Variants in TNS3 observed in about 807,000 individuals in gnomAD.
TNS3 encodes tensin 3.
TNS3 carries 45 observed loss-of-function variants against 140.9 expected under a neutral mutation model. The ratio of observed to expected loss-of-function variants is 0.32; its 90% CI spans 0.25 to 0.41. TNS3 has a LOEUF of 0.41. TNS3 is among the 10% of genes least tolerant of loss of function. TNS3 has a pLI of 1.00. For synonymous variants in TNS3, 815 were observed against 788.4 expected (o/e 1.03, Z -0.56); for missense variants, 1,716 against 1,906.7 (o/e 0.90, Z 1.86).
intron 4 of TNS3, among the ~76,000 whole-genome samples, chr7:47,446,580 T>C (rs1433999483): frequency 6.6e-6 from 1 of 151,238 alleles, no homozygotes; most frequent in Non-Finnish European, 1.5e-5. Flanking sequence ...TATCACAGCC[T>C]TCAACACCCA....
intron 1 of TNS3, among the ~76,000 whole-genome samples, chr7:47,534,840 A>G (rs1386598190): frequency 1.3e-5 from 2 of 152,134 alleles, no homozygotes; most frequent in African/African-American, 2.4e-5. Context: ...CTTCTGTGTC[A>G]TTACCGTAAT....
intron 1 of TNS3, among the ~76,000 whole-genome samples, chr7:47,552,548 T>G (rs1177707551): frequency 3.3e-5 from 5 of 152,198 alleles, no homozygotes; most frequent in Non-Finnish European, 5.9e-5. Context: ...TTCATTATTA[T>G]TATATCTTTC....
chr7:47,305,731 C>T (rs1282006158), intron 20 of TNS3, among the ~76,000 whole-genome samples: 2 of 152,214 alleles, frequency 1.3e-5, no homozygotes, highest in African/African-American at 2.4e-5. Flanking sequence ...TGGTTTCTTG[C>T]CCAGCAGCTG....
chr7:47,409,582 AGGTAGAACACTACG>A (rs1793646691), intron 13 of TNS3, among the ~76,000 whole-genome samples: 1 of 152,194 alleles, frequency 6.6e-6, no homozygotes, highest in African/African-American at 2.4e-5. Context: ...CTCCCAGGGC[AGGTAGAACACTACG>A]CAAACAAGAT....
At chr7:47,296,967 G>A in intron 24 of TNS3, 115 bp downstream of exon 24, 1 of 1,300,146 alleles carries the variant, frequency 7.7e-7, no homozygotes, top group Non-Finnish European at 1.1e-6. Context: ...TAAATACTAA[G>A]AATAAAATTT....
intron 17 of TNS3, among the ~76,000 whole-genome samples, chr7:47,347,879 C>T (rs185026021): frequency 9.3e-4 from 141 of 152,308 alleles, no homozygotes; most frequent in Admixed American, 1.8e-3. Flanking sequence ...ATAATGCTTG[C>T]TCTCTTTTCC....
chr7:47,447,624 C>T (rs1795812152), intron 4 of TNS3, among the ~76,000 whole-genome samples: 1 of 152,100 alleles, frequency 6.6e-6, no homozygotes, highest in Admixed American at 6.5e-5. Flanking sequence ...TCACAGTGGC[C>T]CTATGGCACA....
At chr7:47,381,734 G>A (rs1791774727) in intron 16 of TNS3, among the ~76,000 whole-genome samples, 2 of 152,212 alleles carry the variant, frequency 1.3e-5, no homozygotes, top group African/African-American at 4.8e-5. Flanking sequence ...ACCCTTGGGA[G>A]AAACAATCTC....
chr7:47,344,667 G>T, intron 20 of TNS3, 88 bp downstream of exon 20: 3 of 1,164,336 alleles, frequency 2.6e-6, no homozygotes, highest in South Asian at 1.3e-5. Flanking sequence ...AAACATTTCT[G>T]CATACGAGTT....
intron 17 of TNS3, among the ~76,000 whole-genome samples, chr7:47,367,109 C>T (rs1790750644): frequency 6.6e-6 from 1 of 152,222 alleles, no homozygotes; most frequent in Non-Finnish European, 1.5e-5. Context: ...TTGCATGGCA[C>T]TGCCAGGGCT....
intron 20 of TNS3, among the ~76,000 whole-genome samples, chr7:47,338,112 T>G (rs937903372): frequency 6.6e-6 from 1 of 152,214 alleles, no homozygotes; most frequent in Non-Finnish European, 1.5e-5. Flanking sequence ...ACCACTGGCC[T>G]GTTGAAGGAC....
intron 1 of TNS3, among the ~76,000 whole-genome samples, chr7:47,534,474 T>C (rs75330409): frequency 0.017 from 2,565 of 151,960 alleles, 39 homozygotes; most frequent in South Asian, 0.048. Context: ...TGTCAGTTCA[T>C]AGGAATCACT....
At chr7:47,301,411 C>T (rs1036121812) in intron 23 of TNS3, among the ~76,000 whole-genome samples, 5 of 152,078 alleles carry the variant, frequency 3.3e-5, no homozygotes, top group African/African-American at 4.8e-5. Flanking sequence ...AAGGTACGCT[C>T]AGCTGAGACA....
intron 9 of TNS3, among the ~76,000 whole-genome samples, chr7:47,427,542 TTCA>T (rs1277070857): frequency 6.6e-6 from 1 of 152,228 alleles, no homozygotes; most frequent in African/African-American, 2.4e-5. Flanking sequence ...TGCACTGCAT[TTCA>T]GCGAGAGTGA....
intron 27 of TNS3, among the ~76,000 whole-genome samples, chr7:47,288,362 C>T (rs1785526601): frequency 6.6e-6 from 1 of 152,242 alleles, no homozygotes; most frequent in Admixed American, 6.5e-5. Flanking sequence ...CTGTTGCTAT[C>T]ACCGTTCTTC....
At chr7:47,452,877 A>C (rs971368989) in intron 4 of TNS3, 32 of 979,344 alleles carry the variant, frequency 3.3e-5, no homozygotes, top group Non-Finnish European at 3.4e-5. Context: ...AGGGACAGAC[A>C]AAGTGCCCAG....
chr7:47,374,899 C>G (rs971333767), intron 16 of TNS3, among the ~76,000 whole-genome samples: 1 of 152,134 alleles, frequency 6.6e-6, no homozygotes, highest in Non-Finnish European at 1.5e-5. Context: ...GAGGAGCCCC[C>G]ACCAGATGAG....
intron 8 of TNS3, among the ~76,000 whole-genome samples, chr7:47,432,571 C>T (rs1794976936): frequency 6.6e-6 from 1 of 152,242 alleles, no homozygotes; most frequent in African/African-American, 2.4e-5. Flanking sequence ...AATGCAAACA[C>T]TTTCAAACTC....
intron 1 of TNS3, among the ~76,000 whole-genome samples, chr7:47,550,902 C>T (rs1438931369): frequency 6.6e-6 from 1 of 152,152 alleles, no homozygotes; most frequent in Non-Finnish European, 1.5e-5. Flanking sequence ...TTTGGTCATT[C>T]CTAAACAGTC....
Sources: gnomAD v4.1 joint callset for allele counts (sites outside exome capture counted in the v4.1 genomes callset) on GRCh38, gnomAD v4.1.1 for gene constraint, MANE v1.5 for transcripts, NCBI Gene and HGNC (gene_info 2026-07-23, HGNC 2026-07-21) for gene names.